ROS1: variants seen among roughly 807,000 people sequenced by gnomAD.
The protein encoded by ROS1 is ROS proto-oncogene 1, receptor tyrosine kinase.
ROS1 carries 263 observed loss-of-function variants against 273.5 expected under a neutral mutation model. The observed-to-expected ratio is 0.96, with a 90% confidence interval of 0.87 to 1.06. ROS1 has a LOEUF of 1.06. Ranked by LOEUF, ROS1 falls within the 50% of genes least tolerant of loss-of-function variation. The pLI is 0.00. For missense variants in ROS1, 2,833 were observed against 2,751.1 expected, an observed-to-expected ratio of 1.03 and a Z score of -0.67; for synonymous variants, 1,008 against 954.1, an observed-to-expected ratio of 1.06 and a Z score of -1.04.
chr6:117,380,020 G>A (rs1310349110), intron 17 of ROS1, among the ~76,000 whole-genome samples: 1 of 152,082 alleles, frequency 6.6e-6, no homozygotes, highest in Non-Finnish European at 1.5e-5. Flanking sequence ...ATATGGCATA[G>A]AATCCATGAG....
intron 16 of ROS1, among the ~76,000 whole-genome samples, chr6:117,384,507 T>C (rs891759114): frequency 1.3e-4 from 20 of 152,214 alleles, no homozygotes; most frequent in Non-Finnish European, 2.8e-4. Context: ...TTTCAACGCA[T>C]TGGTAGTAGA....
chr6:117,420,419 A>C (rs1775661862), intron 1 of ROS1, among the ~76,000 whole-genome samples: 1 of 124,704 alleles, frequency 8.0e-6, no homozygotes, highest in African/African-American at 2.9e-5. Context: ...TTCCTACCCT[A>C]ATAAATGTTG....
Position 117,296,357 on chromosome 6 carries a change from T to C in ROS1, c.6715+4617A>G, listed in dbSNP as rs112330009. ...GGGAGGTTGCAGTGAGCCGAGATCATGCCATTGCTTTCTGGTCTGAGGGAC... is the reference window on the plus strand; with the variant it reads ...GGGAGGTTGCAGTGAGCCGAGATCACGCCATTGCTTTCTGGTCTGAGGGAC... On this transcript the variant is annotated intron_variant, in intron 43 of 43. Transcript: ENST00000368507. Among the ~76,000 whole-genome samples the C allele has an allele frequency of 1.6e-3, 237 of 151,782 alleles. 1 individual carries two copies. The highest frequency in any genetic ancestry group is 5.4e-3 in the African/African-American group (225 of 41,366).
chr6:117,377,255 C>T (rs1314001890), intron 18 of ROS1, among the ~76,000 whole-genome samples: 7 of 152,050 alleles, frequency 4.6e-5, no homozygotes, highest in South Asian at 2.1e-4. Context: ...GGATTACAGG[C>T]GCCCATCACC....
Position 117,396,990 on chromosome 6 carries a change from T to C in ROS1, c.731A>G (p.Lys244Arg), listed in dbSNP as rs1773539351. The C allele has an allele frequency of 3.1e-6, 5 of 1,614,060 alleles. No homozygotes were observed. The highest frequency in any genetic ancestry group is 4.2e-6 in the Non-Finnish European group (5 of 1,180,008). Reference sequence around the variant, plus strand: ...TGTCCCTGCATCTAATTTTTGATTTTTGCTGATCAGCCTTAAGTTATAACC... The same window carrying C: ...TGTCCCTGCATCTAATTTTTGATTTCTGCTGATCAGCCTTAAGTTATAACC... ...ILGYNLRLISKNQKLDAGTQR... is the reference protein window; with the variant it reads ...ILGYNLRLISRNQKLDAGTQR... The change falls in exon 8 of 44, where the codon AAA (lysine) becomes AGA (arginine). Residue 244 changes from lysine (K) to arginine (R), a missense_variant. Transcript: ENST00000368507.
rs180765097 is a variant in ROS1 at position 117,326,198 on chromosome 6, G to C, written c.5539+26C>G. ...TACTGAACCTTTAGGTAATAAGCTA[G>C]TGTGTAGACAGACATGGTAACATAC... On this transcript the variant is annotated intron_variant, in intron 34 of 43. Coordinates refer to ENST00000368507, the MANE Select transcript of ROS1 (RefSeq NM_001378902.1). 1.7e-4 allele frequency: 251 copies of C among 1,457,878 alleles called. 1 individual carries two copies. The African/African-American group carries it at 3.0e-3, about 17-fold the overall frequency. The allele number at this position is 1,457,878 out of a possible 1,614,324, so 90.3% of individuals were successfully genotyped here. A position where few individuals can be genotyped will look rare whatever the true frequency, so the allele number is the denominator to read the frequency against.
intron 12 of ROS1, among the ~76,000 whole-genome samples, chr6:117,391,465 T>C (rs1773061629): frequency 6.6e-6 from 1 of 151,904 alleles, no homozygotes; most frequent in African/African-American, 2.4e-5. Context: ...TGGAAGAAGA[T>C]GGGGAAGTGG....
intron 18 of ROS1, among the ~76,000 whole-genome samples, chr6:117,371,219 G>T (rs1454981389): frequency 1.3e-5 from 2 of 152,176 alleles, no homozygotes; most frequent in Non-Finnish European, 2.9e-5. Flanking sequence ...GAAGAGGCTT[G>T]CTGCTGTAGG....
chr6:117,424,294 T>A (rs1329112105), intron 1 of ROS1, among the ~76,000 whole-genome samples: 1 of 151,334 alleles, frequency 6.6e-6, no homozygotes, highest in Non-Finnish European at 1.5e-5. Context: ...CATAGCTGGG[T>A]GTAAATTATA....
intron 39 of ROS1, among the ~76,000 whole-genome samples, chr6:117,314,709 G>A (rs1041061902): frequency 2.0e-5 from 3 of 152,194 alleles, no homozygotes; most frequent in African/African-American, 7.2e-5. Flanking sequence ...CCCTCTAAAC[G>A]CTCTGAGTTG....
intron 31 of ROS1, among the ~76,000 whole-genome samples, chr6:117,339,888 T>C (rs192467973): frequency 5.9e-5 from 9 of 152,246 alleles, no homozygotes; most frequent in African/African-American, 2.2e-4. Context: ...ATAGGACTGC[T>C]GTAGGGAGAA....
intron 9 of ROS1, among the ~76,000 whole-genome samples, 188 bp from the exon 10 acceptor site, chr6:117,394,926 G>T (rs1178735670): frequency 6.6e-6 from 1 of 152,202 alleles, no homozygotes; most frequent in African/African-American, 2.4e-5. Flanking sequence ...ATTGGAGGTA[G>T]GAAGTACAGT....
At chr6:117,376,787 C>T (rs1316779818) in intron 18 of ROS1, among the ~76,000 whole-genome samples, 1 of 152,102 alleles carries the variant, frequency 6.6e-6, no homozygotes, top group Non-Finnish European at 1.5e-5. Context: ...GAGAGATACA[C>T]CATTTTCATT....
chr6:117,403,100 G>A, intron 7 of ROS1, 39 bp downstream of exon 7: 1 of 1,606,490 alleles, frequency 6.2e-7, no homozygotes. Context: ...CAAAGCTTTG[G>A]AATAATGTCC....
chr6:117,288,815 T>C lies in ROS1; in HGVS notation c.6716-13A>G, dbSNP rs1562238955. The C allele has an allele frequency of 6.4e-7, 1 of 1,566,852 alleles. No homozygotes were observed. The highest frequency in any genetic ancestry group is 1.4e-5 in the African/African-American group (1 of 72,784). On this transcript the variant is annotated splice_polypyrimidine_tract_variant and intron_variant, in intron 43 of 43. Coordinates refer to ENST00000368507, the MANE Select transcript of ROS1 (RefSeq NM_001378902.1). The stretch of plus-strand genomic sequence containing the variant: ...TCGCCATCTTCACCTGTGAAAAAAA[T>C]ATGAATGTTATTCTAGCATGTATTT...
chr6:117,339,336 A>G lies in ROS1; in HGVS notation c.5061+1799T>C, dbSNP rs75512895. ...CACCCCTGATCTAGATCGAAACTTCATCTTGTGCTCTAGTTCCCTCATTTT... is the reference window on the plus strand; with the variant it reads ...CACCCCTGATCTAGATCGAAACTTCGTCTTGTGCTCTAGTTCCCTCATTTT... On this transcript the variant is annotated intron_variant, in intron 31 of 43. Transcript: ENST00000368507. 2.8e-4 allele frequency among the ~76,000 whole-genome samples: 42 copies of G among 152,282 alleles called. 1 individual carries two copies. In the East Asian group the frequency reaches 6.6e-3, roughly 24 times the overall value.
chr6:117,380,622 AT>A (rs968980607), intron 17 of ROS1, among the ~76,000 whole-genome samples: 1 of 152,008 alleles, frequency 6.6e-6, no homozygotes. Context: ...AGATTCTACA[AT>A]TTTTTGCTGG....
chr6:117,394,804 AG>A, intron 9 of ROS1, 66 bp from the exon 10 acceptor site: 1 of 1,440,190 alleles, frequency 6.9e-7, no homozygotes, highest in East Asian at 2.3e-5. Context: ...GACACAAAAA[AG>A]ATCAGTACTA....
At chr6:117,333,992 CA>C (rs1777282184) in intron 32 of ROS1, among the ~76,000 whole-genome samples, 1 of 152,050 alleles carries the variant, frequency 6.6e-6, no homozygotes, top group Non-Finnish European at 1.5e-5. Flanking sequence ...AAGTTCTGGT[CA>C]GGGCAATCAG....
Sources: allele counts gnomAD v4.1 joint callset (sites outside exome capture counted in the v4.1 genomes callset), GRCh38; gene constraint gnomAD v4.1.1; transcripts MANE v1.5; gene names NCBI Gene and HGNC (gene_info 2026-07-23, HGNC 2026-07-21).